The following VPS13A variants were observed in gnomAD, a reference collection of about 807,000 sequenced individuals.
VPS13A encodes the protein vacuolar protein sorting 13 homolog A, also known as intermembrane lipid transfer protein VPS13A.
Under a neutral mutation model 390.9 loss-of-function variants are expected in VPS13A, and 264 were observed. The observed-to-expected ratio is 0.68, with a 90% CI of 0.61 to 0.75. The LOEUF is 0.75. Among genes scored for constraint, VPS13A ranks in the 30% least tolerant of loss-of-function variants. The pLI is 0.00. For missense variants in VPS13A, 3,409 were observed against 3,733.9 expected (o/e 0.91, Z 2.27); for synonymous variants, 1,231 against 1,227.1 (o/e 1.00, Z -0.07).
At chr9:77,395,278 CTCACGTAA>C (rs943535664) in intron 68 of VPS13A, among the ~76,000 whole-genome samples, 39 of 152,052 alleles carry the variant, frequency 2.6e-4, no homozygotes, top group Non-Finnish European at 4.1e-4. Flanking sequence ...ATTGTTGTTT[CTCACGTAA>C]TAGGGAGGCT....
intron 29 of VPS13A, 81 bp downstream of exon 29, chr9:77,282,355 T>C: frequency 7.8e-7 from 1 of 1,288,640 alleles, no homozygotes; most frequent in Non-Finnish European, 1.1e-6. Flanking sequence ...GACTTTATTA[T>C]TAACTTCAAA....
rs150402729 is a variant in VPS13A, at chr9:77,376,604, G to A, written c.9078-5372G>A. Among the ~76,000 whole-genome samples the A allele has an allele frequency of 3.9e-5, 6 of 152,278 alleles. No homozygotes were observed. The East Asian group carries it at 1.2e-3, about 29-fold the overall frequency. On this transcript the variant is annotated intron_variant, in intron 67 of 71. Transcript: ENST00000360280. ...AAGTTTTTATGTGTAGTACTGGAAGGGTGAGGTTGTCGTTCTTTTTAGGGA... is the reference window on the plus strand; with the variant it reads ...AAGTTTTTATGTGTAGTACTGGAAGAGTGAGGTTGTCGTTCTTTTTAGGGA...
In VPS13A at chr9:77,345,224, A is replaced by AT. The variant is rs1831084338; in HGVS notation, c.7289+82_7289+83insT. 3.5e-6 allele frequency: 5 copies of AT among 1,439,518 alleles called. No individual in the cohort carries two copies. The Admixed American group carries it at 8.5e-5, about 24-fold the overall frequency. The allele number at this position is 1,439,518 out of a possible 1,614,324, so 89.2% of individuals were successfully genotyped here. The stretch of plus-strand genomic sequence containing the variant: ...CAGTTTTTTTTGATAATTTCTTAAG[A>AT]GTATAAACACTGATAATAGCATTGT... On this transcript the variant is annotated intron_variant, in intron 52 of 71. Transcript: ENST00000360280.
At chr9:77,317,312 T>G (rs1477542574) in intron 39 of VPS13A, among the ~76,000 whole-genome samples, 2 of 151,952 alleles carry the variant, frequency 1.3e-5, no homozygotes, top group Non-Finnish European at 2.9e-5. Flanking sequence ...TTTTTTGGCT[T>G]GAATATAGCT....
intron 1 of VPS13A, among the ~76,000 whole-genome samples, chr9:77,179,334 C>A (rs1279588365): frequency 6.6e-6 from 1 of 152,214 alleles, no homozygotes; most frequent in Non-Finnish European, 1.5e-5. Context: ...ATAAAAGGTT[C>A]ATCAAGCCTC....
At chr9:77,264,858 C>G (rs1025414193) in intron 23 of VPS13A, among the ~76,000 whole-genome samples, 4 of 152,144 alleles carry the variant, frequency 2.6e-5, no homozygotes, top group African/African-American at 9.7e-5. Context: ...TGAGAGAGGG[C>G]ATTCTTGTCT....
chr9:77,262,578 C>T (rs995282520), intron 23 of VPS13A, among the ~76,000 whole-genome samples: 13 of 152,050 alleles, frequency 8.5e-5, no homozygotes, highest in African/African-American at 3.1e-4. Context: ...AGCTATCCCT[C>T]CCCTAGCCCC....
chr9:77,221,445 C>A, intron 13 of VPS13A, 89 bp downstream of exon 13: 1 of 1,412,400 alleles, frequency 7.1e-7, no homozygotes. Flanking sequence ...CCTTTCATTC[C>A]AATTTTTATT....
In VPS13A at chr9:77,308,069, T is replaced by C; in HGVS notation, c.4085T>C (p.Val1362Ala). Residue 1362 changes from valine (V) to alanine (A), a missense_variant, in exon 35 of 72, where the codon GTT (valine) becomes GCT (alanine). By Grantham distance (64) the Val-to-Ala change is moderately conservative. Coordinates refer to ENST00000360280, the MANE Select transcript of VPS13A (RefSeq NM_033305.3). Reference sequence around the variant, plus strand: ...GACCAATACAGTGCCACTAGTGGAGTTACTACTAATGCTTCACACCATTCA... The same window carrying C: ...GACCAATACAGTGCCACTAGTGGAGCTACTACTAATGCTTCACACCATTCA... ...TKDQYSATSGVTTNASHHSGG... is the reference protein window; with the variant it reads ...TKDQYSATSGATTNASHHSGG... 1 of 1,613,856 alleles carries C rather than the reference T, an allele frequency of 6.2e-7. No individual in the cohort carries two copies. The highest frequency in any genetic ancestry group is 8.5e-7 in the Non-Finnish European group (1 of 1,179,884).
chr9:77,285,660 T>A (rs1049530377), intron 31 of VPS13A, among the ~76,000 whole-genome samples: 1 of 152,222 alleles, frequency 6.6e-6, no homozygotes, highest in African/African-American at 2.4e-5. Context: ...AAATGCTTTC[T>A]TCCTGTTTTC....
rs184828562 is a variant in VPS13A at position 77,220,357 on chromosome 9, G to A, written c.963G>A (p.Val321=). 115 of 1,610,232 alleles carry A rather than the reference G, an allele frequency of 7.1e-5. 1 individual carries two copies. In the East Asian group the frequency reaches 2.4e-3, roughly 34 times the overall value. The change falls in exon 12 of 72, where the codon GTG becomes GTA. Residue 321 remains valine, a synonymous_variant. Transcript: ENST00000360280. The part of the protein sequence containing the change: ...NLPYRKFKPD[V]PLHHHAREWW... The stretch of plus-strand genomic sequence containing the variant: ...CATATAGGAAGTTCAAACCTGATGT[G>A]CCTCTTCACCACCATGCCAGAGAAT...
intron 68 of VPS13A, chr9:77,390,200 C>T: frequency 6.4e-6 from 5 of 783,206 alleles, no homozygotes; most frequent in Non-Finnish European, 7.7e-6. Flanking sequence ...CATTTTATAG[C>T]TCTTCCTCTC....
intron 68 of VPS13A, among the ~76,000 whole-genome samples, chr9:77,394,378 AT>A (rs1178081360): frequency 6.6e-6 from 1 of 151,982 alleles, no homozygotes; most frequent in Non-Finnish European, 1.5e-5. Flanking sequence ...GGGCTCTAGG[AT>A]TTTTGGAATG....
intron 58 of VPS13A, 72 bp from the exon 59 acceptor site, chr9:77,360,464 T>C (rs1253275779): frequency 8.7e-6 from 10 of 1,150,650 alleles, no homozygotes; most frequent in African/African-American, 4.6e-5. Context: ...TCATACTTTT[T>C]TCTCATCTAA....
rs544380829 is a variant in VPS13A, at chr9:77,183,258, A to G, written c.100+5454A>G. Among the ~76,000 whole-genome samples, 32 of 152,334 alleles carry G rather than the reference A, an allele frequency of 2.1e-4. 1 individual carries two copies. In the South Asian group the frequency reaches 4.8e-3, roughly 23 times the overall value. On this transcript the variant is annotated intron_variant, in intron 1 of 71. Coordinates refer to ENST00000360280, the MANE Select transcript of VPS13A (RefSeq NM_033305.3). Reference sequence around the variant, plus strand: ...AGTAAAATACACGTTAAAGTCTACAATTTGATAAGTTTTAGCATATATGTG... The same window carrying G: ...AGTAAAATACACGTTAAAGTCTACAGTTTGATAAGTTTTAGCATATATGTG...
rs1271936511 is a variant in VPS13A, at chr9:77,209,532, T to C, written c.495T>C (p.Asp165=). ...ISSIHIRYED[D]ITNRDKPLSF... is the part of the protein sequence containing the mutation. ...GTATCCATATTCGTTATGAAGATGA[T>C]GTAAGTATTTTAATATGTGATATTT... The change falls in exon 6 of 72, where the codon GAT becomes GAC. Residue 165 remains aspartate (D), a splice_region_variant and synonymous_variant. Transcript: ENST00000360280. The C allele has an allele frequency of 6.5e-7, 1 of 1,538,680 alleles. No individual in the cohort carries two copies. The highest frequency in any genetic ancestry group is 2.3e-5 in the East Asian group (1 of 44,118).
rs780775349 is a variant in VPS13A at position 77,315,219 on chromosome 9, C to T, written c.4413-34C>T. The T allele has an allele frequency of 3.2e-6, 5 of 1,573,794 alleles. No individual in the cohort carries two copies. The Admixed American group carries it at 8.3e-5, about 26-fold the overall frequency. ...TATGTTTGATTACTTCTAAGTTACTCATACATAGGAATTGTTGTTATTGTG... is the reference window on the plus strand; with the variant it reads ...TATGTTTGATTACTTCTAAGTTACTTATACATAGGAATTGTTGTTATTGTG... On this transcript the variant is annotated intron_variant, in intron 37 of 71. Transcript: ENST00000360280.
At chr9:77,389,698 TTAAG>T (rs1378338051) in intron 68 of VPS13A, 11 of 152,302 alleles carry the variant, frequency 7.2e-5, no homozygotes, top group Middle Eastern at 3.4e-3. Context: ...TTTCTTCCCT[TTAAG>T]TAAATCTTTT....
chr9:77,396,543 T>C (rs1834126807), intron 68 of VPS13A, among the ~76,000 whole-genome samples: 1 of 152,226 alleles, frequency 6.6e-6, no homozygotes, highest in South Asian at 2.1e-4. Context: ...TTCAAGAATA[T>C]GAAATCATTA....
Sources: gnomAD v4.1 joint callset for allele counts (sites outside exome capture counted in the v4.1 genomes callset) on GRCh38, gnomAD v4.1.1 for gene constraint, MANE v1.5 for transcripts, NCBI Gene and HGNC (gene_info 2026-07-23, HGNC 2026-07-21) for gene names.